Variants in IFT43 observed in about 807,000 individuals in gnomAD.
IFT43 encodes intraflagellar transport protein 43 homolog.
A neutral mutation model predicts 32.3 loss-of-function variants in IFT43; 33 were observed. The ratio of observed to expected loss-of-function variants is 1.02; its 90% CI spans 0.77 to 1.37. The LOEUF is 1.37. Among genes scored for constraint, IFT43 ranks in the 40% most tolerant of loss-of-function variants. The pLI, the probability that IFT43 is intolerant of heterozygous loss-of-function variation, is 0.00. For missense variants in IFT43, 274 were observed against 265.9 expected (o/e 1.03, Z -0.21); for synonymous variants, 93 against 98.2 (o/e 0.95, Z 0.31).
At chr14:76,010,680 C>G (rs55763099) in intron 2 of IFT43, among the ~76,000 whole-genome samples, 1 of 151,596 alleles carries the variant, frequency 6.6e-6, no homozygotes, top group African/African-American at 2.4e-5. Flanking sequence ...CAGCATATAT[C>G]TAAAAAAAAA....
intron 3 of IFT43, among the ~76,000 whole-genome samples, chr14:76,045,081 G>T (rs1469833225): frequency 6.6e-6 from 1 of 152,192 alleles, no homozygotes; most frequent in East Asian, 1.9e-4. Context: ...CACCCACATT[G>T]TTCAAGGGTC....
At position 76,062,003 on chromosome 14, in the gene IFT43, T is replaced by A. The variant is rs2037143482; in HGVS notation, c.295+2630T>A. 8.5e-5 allele frequency among the ~76,000 whole-genome samples: 13 copies of A among 152,234 alleles called. No homozygotes were observed. The South Asian group carries it at 2.5e-3, about 29-fold the overall frequency. On this transcript the variant is annotated intron_variant, in intron 5 of 8. Transcript: ENST00000314067. ...TCATGTTCTTTTGCTGCTAATTCCA[T>A]TATATCTGTCTTTTCTGAGTCTGTT...
chr14:76,076,601 A>C, intron 5 of IFT43: 1 of 1,614,136 alleles, frequency 6.2e-7, no homozygotes, highest in Non-Finnish European at 8.5e-7. Flanking sequence ...TTCTAGCGGT[A>C]CCCAAACAGG....
At chr14:75,988,201 A>AC (rs2035566416) in intron 1 of IFT43, among the ~76,000 whole-genome samples, 1 of 151,844 alleles carries the variant, frequency 6.6e-6, no homozygotes, top group Non-Finnish European at 1.5e-5. Context: ...GCACAGGGGG[A>AC]CCCCATATCT....
chr14:76,031,891 C>T (rs756164583), intron 3 of IFT43, among the ~76,000 whole-genome samples: 2 of 152,180 alleles, frequency 1.3e-5, no homozygotes, highest in African/African-American at 2.4e-5. Flanking sequence ...TGATCTCAAC[C>T]CAGTCTCAGG....
rs999269952 is a variant in IFT43, at chr14:76,022,518, AC to A, written c.215+127del. The A allele has an allele frequency of 2.0e-5, 13 of 639,482 alleles. No homozygotes were observed. In the African/African-American group the frequency reaches 2.4e-4, roughly 12 times the overall value. The allele number at this position is 639,482 out of a possible 1,614,324, so 39.6% of individuals were successfully genotyped here. ...AAAAAATTTATATACCATACAATTC[AC>A]CCACTTAAAATGCACAATTTAATCA... is the stretch of plus-strand genomic sequence containing the variant. On this transcript the variant is annotated intron_variant, in intron 3 of 8. Transcript: ENST00000314067.
chr14:76,035,047 A>G (rs1346024748), intron 3 of IFT43, among the ~76,000 whole-genome samples: 1 of 152,186 alleles, frequency 6.6e-6, no homozygotes, highest in African/African-American at 2.4e-5. Context: ...CTGCAAGGGA[A>G]TGAGGCAAGT....
At chr14:76,053,955 C>G (rs1360074399) in intron 3 of IFT43, among the ~76,000 whole-genome samples, 1 of 152,194 alleles carries the variant, frequency 6.6e-6, no homozygotes, top group Non-Finnish European at 1.5e-5. Context: ...ATTCAGGCCC[C>G]TTGCTATTTC....
intron 2 of IFT43, among the ~76,000 whole-genome samples, chr14:75,994,235 T>A (rs1422124450): frequency 6.6e-6 from 1 of 152,188 alleles, no homozygotes; most frequent in East Asian, 1.9e-4. Context: ...GGATATCTGA[T>A]TCAGTGGCCT....
At chr14:76,083,120 A>C in intron 7 of IFT43, 107 bp from the exon 8 acceptor site, 1 of 1,146,166 alleles carries the variant, frequency 8.7e-7, no homozygotes, top group South Asian at 1.3e-5. Context: ...TGCAGGTCTC[A>C]GTTTGGGAAG....
At chr14:76,018,262 G>C (rs999501506) in intron 2 of IFT43, among the ~76,000 whole-genome samples, 8 of 150,678 alleles carry the variant, frequency 5.3e-5, no homozygotes, top group African/African-American at 7.3e-5. Context: ...GTTTTCATTT[G>C]TTTCAAGAAA....
At chr14:76,065,887 C>T (rs949095370) in intron 5 of IFT43, among the ~76,000 whole-genome samples, 2 of 152,202 alleles carry the variant, frequency 1.3e-5, no homozygotes, top group African/African-American at 4.8e-5. Flanking sequence ...CCCGAAGTGC[C>T]GGACTACAGG....
intron 5 of IFT43, among the ~76,000 whole-genome samples, chr14:76,075,572 G>A (rs548754513): frequency 2.8e-4 from 43 of 152,322 alleles, no homozygotes; most frequent in African/African-American, 7.7e-4. Flanking sequence ...TTACTGGAGC[G>A]TTTGATGTCT....
At chr14:76,065,406 G>A (rs1056389303) in intron 5 of IFT43, among the ~76,000 whole-genome samples, 6 of 152,068 alleles carry the variant, frequency 3.9e-5, no homozygotes, top group Non-Finnish European at 7.3e-5. Flanking sequence ...TACAATTTAG[G>A]TTTTCACAGA....
chr14:76,056,620 C>T lies in IFT43; in HGVS notation c.216-2022C>T, dbSNP rs189714752. Among the ~76,000 whole-genome samples the T allele has an allele frequency of 3.5e-4, 53 of 152,348 alleles. 1 individual carries two copies. Among genetic ancestry groups the T allele is most frequent in the Non-Finnish European group, 1.8e-4 (12 of 68,036 alleles). On this transcript the variant is annotated intron_variant, in intron 3 of 8. Coordinates refer to ENST00000314067, the MANE Select transcript of IFT43 (RefSeq NM_001102564.3). ...ATGTCTCTTATGTACACAACGAAGG[C>T]GCCAGCCTTCCTTCCTAGCCTCTTT...
intron 3 of IFT43, among the ~76,000 whole-genome samples, chr14:76,056,536 C>T (rs2037019613): frequency 6.6e-6 from 1 of 152,236 alleles, no homozygotes; most frequent in Non-Finnish European, 1.5e-5. Flanking sequence ...TTTGCCACCG[C>T]ACATTGTGTA....
intron 3 of IFT43, among the ~76,000 whole-genome samples, chr14:76,035,129 C>A (rs1229515018): frequency 6.6e-6 from 1 of 152,210 alleles, no homozygotes; most frequent in Non-Finnish European, 1.5e-5. Context: ...CTCTCCCTCC[C>A]AGCCATTAAT....
intron 2 of IFT43, among the ~76,000 whole-genome samples, chr14:76,000,878 A>T (rs2035872013): frequency 6.6e-6 from 1 of 152,232 alleles, no homozygotes; most frequent in Non-Finnish European, 1.5e-5. Flanking sequence ...AAGAAAGGAT[A>T]ATTATTTCAA....
intron 5 of IFT43, among the ~76,000 whole-genome samples, chr14:76,062,917 C>CAAAAAAAAAAAAAAAAAAA (rs746158153): frequency 2.1e-4 from 15 of 72,476 alleles, no homozygotes; most frequent in African/African-American, 6.5e-4. Flanking sequence ...GATCCCATCT[C>CAAAAAAAAAAAAAAAAAAA]AAAAAAAAAA....
Sources: allele counts gnomAD v4.1 joint callset (sites outside exome capture counted in the v4.1 genomes callset), GRCh38; gene constraint gnomAD v4.1.1; transcripts MANE v1.5; gene names NCBI Gene and HGNC (gene_info 2026-07-23, HGNC 2026-07-21).